Variants in C8orf76 observed in about 807,000 individuals in gnomAD.
C8orf76 encodes the protein chromosome 8 open reading frame 76.
Under a neutral mutation model 38.1 loss-of-function variants are expected in C8orf76, and 46 were observed. The observed-to-expected ratio is 1.21, with a 90% confidence interval of 0.95 to 1.54. C8orf76 has a LOEUF of 1.54. C8orf76 is among the 40% of genes most tolerant of loss of function. The pLI is 0.00. For synonymous variants in C8orf76, 166 were observed against 167.5 expected (o/e 0.99, Z 0.07); for missense variants, 461 against 441.6 (o/e 1.04, Z -0.39).
intron 4 of C8orf76, among the ~76,000 whole-genome samples, chr8:123,228,710 C>T (rs2131142065): frequency 6.6e-6 from 1 of 152,100 alleles, no homozygotes. Flanking sequence ...ACTCTTCAGG[C>T]CTTCGGCACA....
chr8:123,229,157 G>C (rs1187931845), intron 4 of C8orf76, among the ~76,000 whole-genome samples: 1 of 152,210 alleles, frequency 6.6e-6, no homozygotes, highest in Non-Finnish European at 1.5e-5. Flanking sequence ...TGCCCCTCTG[G>C]GCGGTGCCTT....
intron 4 of C8orf76, among the ~76,000 whole-genome samples, 195 bp from the exon 5 acceptor site, chr8:123,226,827 A>G (rs1022376161): frequency 9.2e-5 from 14 of 152,198 alleles, no homozygotes; most frequent in African/African-American, 3.4e-4. Context: ...CAATTGCCCA[A>G]CTTTACATTG....
At chr8:123,226,670 CCCAACGCTT>C in intron 4 of C8orf76, 38 bp from the exon 5 acceptor site, 1 of 1,556,524 alleles carries the variant, frequency 6.4e-7, no homozygotes, top group Non-Finnish European at 8.6e-7. Flanking sequence ...GGCGAAAAGT[CCCAACGCTT>C]CCAGATAAAG....
intron 1 of C8orf76, among the ~76,000 whole-genome samples, chr8:123,240,346 A>G (rs891089700): frequency 1.3e-5 from 2 of 152,238 alleles, no homozygotes; most frequent in African/African-American, 4.8e-5. Context: ...ATGCAACTGA[A>G]ATAACCAAAA....
At chr8:123,240,221 T>C (rs530954994) in intron 1 of C8orf76, among the ~76,000 whole-genome samples, 29 of 152,312 alleles carry the variant, frequency 1.9e-4, no homozygotes, top group African/African-American at 6.7e-4. Context: ...TCCTATCTCA[T>C]AACCAGAGTT....
At chr8:123,226,332 C>A in intron 5 of C8orf76, 168 bp downstream of exon 5, 1 of 1,459,780 alleles carries the variant, frequency 6.9e-7, no homozygotes, top group South Asian at 1.4e-5. Flanking sequence ...AGGGGAATGC[C>A]GATCAAGAGG....
intron 2 of C8orf76, chr8:123,238,836 A>C (rs1825586577): frequency 2.0e-6 from 1 of 501,480 alleles, no homozygotes; most frequent in Non-Finnish European, 3.6e-6. Flanking sequence ...AGGACCCCAA[A>C]GAGATCCTTT....
In C8orf76 at chr8:123,226,510, A is replaced by C; in HGVS notation, c.938T>G (p.Leu313Trp). 1 of 1,612,844 alleles carries C rather than the reference A, an allele frequency of 6.2e-7. No homozygotes were observed. The change falls in exon 5 of 6, where the codon TTG (leucine) becomes TGG (tryptophan). Residue 313 changes from leucine to tryptophan, a missense_variant. Physicochemically the swap from Leu to Trp is moderately conservative, Grantham distance 61 (BLOSUM62 -2). Coordinates refer to ENST00000276704, the MANE Select transcript of C8orf76 (RefSeq NM_032847.3). Reference sequence around the variant, plus strand: ...GAGGGATACACTCACCTCAGCTATCAACAGCAAAGTGTCTTCTTTGAAGCT... The same window carrying C: ...GAGGGATACACTCACCTCAGCTATCCACAGCAAAGTGTCTTCTTTGAAGCT... ...GFSFKEDTLL[L>W]IAEVMGEDIP...
rs1177442647 is a variant in C8orf76 at position 123,226,607 on chromosome 8, G to A, written c.841C>T (p.Gln281Ter). 3 of 1,603,498 alleles carry A rather than the reference G, an allele frequency of 1.9e-6. No individual in the cohort carries two copies. The highest frequency in any genetic ancestry group is 2.5e-6 in the Non-Finnish European group (3 of 1,177,662). Residue 281 changes from glutamine (Q) to a stop codon, truncating the protein, a stop_gained, in exon 5 of 6, where the codon CAG (glutamine) becomes TAG (stop). Transcript: ENST00000276704. LOFTEE classifies it high-confidence loss of function. ...CTCTCCAAAGCAAACGATGTTTGCT[G>A]AGGTTGGGTAAACTGAAGCAGAAGC... is the stretch of plus-strand genomic sequence containing the variant. ...TRLLLQFTQP[Q>*]QTSFALERNL...
intron 3 of C8orf76, 38 bp downstream of exon 3, chr8:123,237,760 T>C (rs771586558): frequency 1.9e-6 from 3 of 1,599,360 alleles, no homozygotes; most frequent in South Asian, 1.1e-5. Context: ...ACCACCCTTA[T>C]AGGAATGTGT....
Position 123,226,514 on chromosome 8 carries a change from G to T in C8orf76, c.934C>A (p.Leu312Met). The change falls in exon 5 of 6, where the codon CTG (leucine) becomes ATG (methionine). Residue 312 changes from leucine (L) to methionine (M), a missense_variant. By Grantham distance (15) the Leu-to-Met change is conservative. Transcript: ENST00000276704. The part of the protein sequence containing the change: ...KGFSFKEDTL[L>M]LIAEVMGEDI... ...GATACACTCACCTCAGCTATCAACA[G>T]CAAAGTGTCTTCTTTGAAGCTGAAC... 1 of 1,612,848 alleles carries T rather than the reference G, an allele frequency of 6.2e-7. No individual in the cohort carries two copies. The highest frequency in any genetic ancestry group is 8.5e-7 in the Non-Finnish European group (1 of 1,179,760).
chr8:123,229,102 C>T (rs17378130), intron 4 of C8orf76, among the ~76,000 whole-genome samples: 12,846 of 151,878 alleles, frequency 0.085, 735 homozygotes, highest in Middle Eastern at 0.14. Flanking sequence ...CAATGCTGCT[C>T]TTACCACCAG....
chr8:123,239,389 A>C (rs966155372), intron 1 of C8orf76: 2 of 373,378 alleles, frequency 5.4e-6, no homozygotes, highest in East Asian at 5.1e-5. Flanking sequence ...AAAATGAGAC[A>C]TGCTTTCTTG....
intron 5 of C8orf76, among the ~76,000 whole-genome samples, chr8:123,224,032 G>A (rs180687660): frequency 4.6e-4 from 70 of 152,244 alleles, no homozygotes; most frequent in African/African-American, 1.6e-3. Flanking sequence ...TAATGGTCAT[G>A]GCGGCACAAC....
chr8:123,227,211 G>C (rs1054434538), intron 4 of C8orf76, among the ~76,000 whole-genome samples: 1 of 150,734 alleles, frequency 6.6e-6, no homozygotes, highest in African/African-American at 2.4e-5. Flanking sequence ...ATCATAGCTG[G>C]TCTCCTCTCT....
At chr8:123,232,406 G>T (rs1470955576) in intron 3 of C8orf76, among the ~76,000 whole-genome samples, 1 of 152,156 alleles carries the variant, frequency 6.6e-6, no homozygotes, top group African/African-American at 2.4e-5. Flanking sequence ...CTTAACCAGC[G>T]CCAACATCTC....
chr8:123,237,081 G>A (rs1274004368), intron 3 of C8orf76: 13 of 1,116,262 alleles, frequency 1.2e-5, no homozygotes, highest in Admixed American at 3.4e-5. Context: ...CCTTCCCTCC[G>A]CCAGCTCGCC....
intron 3 of C8orf76, among the ~76,000 whole-genome samples, chr8:123,232,065 A>G (rs1300199380): frequency 1.3e-5 from 2 of 152,194 alleles, no homozygotes; most frequent in Non-Finnish European, 2.9e-5. Flanking sequence ...TTTATTTCCA[A>G]TTTTTATTAT....
At position 123,226,540 on chromosome 8, in the gene C8orf76, C is replaced by T. The variant is rs778653791; in HGVS notation, c.908G>A (p.Gly303Glu). The T allele has an allele frequency of 3.0e-5, 48 of 1,613,448 alleles. No individual in the cohort carries two copies. The highest frequency in any genetic ancestry group is 4.0e-5 in the African/African-American group (3 of 74,892). Residue 303 changes from glycine to glutamate, a missense_variant, in exon 5 of 6, where the codon GGG (glycine) becomes GAG (glutamate). Coordinates refer to ENST00000276704, the MANE Select transcript of C8orf76 (RefSeq NM_032847.3). ...TQQEIEDKMK[G>E]FSFKEDTLLL... is the part of the protein sequence containing the mutation. ...CAAAGTGTCTTCTTTGAAGCTGAAC[C>T]CTTTCATTTTATCTTCAATTTCCTG...
Sources: allele counts gnomAD v4.1 joint callset (sites outside exome capture counted in the v4.1 genomes callset), GRCh38; gene constraint gnomAD v4.1.1; transcripts MANE v1.5; gene names NCBI Gene and HGNC (gene_info 2026-07-23, HGNC 2026-07-21).